Variants in GPHN observed in about 807,000 individuals in gnomAD.
The protein encoded by GPHN is gephyrin.
In GPHN, 17 loss-of-function variants were observed where a neutral mutation model predicts 95.5. The ratio of observed to expected loss-of-function variants is 0.18; its 90% CI spans 0.12 to 0.27. The LOEUF (loss-of-function observed/expected upper bound fraction) is 0.27, where lower values mean the gene tolerates loss of function less well. GPHN is among the 10% of genes least tolerant of loss of function. The pLI, the probability that GPHN is intolerant of heterozygous loss-of-function variation, is 1.00. For synonymous variants in GPHN, 320 were observed against 322.5 expected, an observed-to-expected ratio of 0.99 and a Z score of 0.08; for missense variants, 660 against 978.1, an observed-to-expected ratio of 0.67 and a Z score of 4.34.
At chr14:67,284,429 TAAAAA>T in the GPHN span, among the ~76,000 whole-genome samples, 2 of 92,678 alleles carry the variant, frequency 2.2e-5, no homozygotes, top group African/African-American at 6.3e-5. Context: ...CCCTATCTCT[TAAAAA>T]AAAAAAAAAA....
At chr14:67,577,910 G>A in the GPHN span, 1 of 888,514 alleles carries the variant, frequency 1.1e-6, no homozygotes, top group South Asian at 1.7e-5. Flanking sequence ...CTCTTAGAAA[G>A]GGCTGTCAGT....
intron 4 of GPHN, among the ~76,000 whole-genome samples, chr14:66,828,968 T>G (rs1246848488): frequency 6.6e-6 from 1 of 151,996 alleles, no homozygotes; most frequent in Non-Finnish European, 1.5e-5. Context: ...TCCCTGCCTC[T>G]AAATATGAGA....
the GPHN span, chr14:67,574,189 G>C: frequency 6.7e-7 from 1 of 1,498,140 alleles, no homozygotes; most frequent in East Asian, 2.4e-5. This position sits in a 1 kb window ranked among gnomAD's most constrained non-coding sequence, Gnocchi z 4.2. Flanking sequence ...CCAGGTCCTG[G>C]TTACTCCATT....
the GPHN span, among the ~76,000 whole-genome samples, chr14:67,654,521 G>C: frequency 2.0e-5 from 3 of 152,104 alleles, no homozygotes; most frequent in African/African-American, 4.8e-5. Context: ...ATTCTCCATA[G>C]CTTGCCTTGA....
intron 3 of GPHN, among the ~76,000 whole-genome samples, chr14:66,806,319 T>C (rs1466348896): frequency 2.0e-5 from 3 of 152,158 alleles, no homozygotes; most frequent in Non-Finnish European, 4.4e-5. Context: ...AGACCTGTGA[T>C]GGGAGGGGCT....
the GPHN span, among the ~76,000 whole-genome samples, chr14:67,448,528 G>A: frequency 6.6e-6 from 1 of 152,080 alleles, no homozygotes; most frequent in Non-Finnish European, 1.5e-5. Flanking sequence ...CTGGCCTTGG[G>A]AACAGAATCA....
At chr14:66,778,432 A>T (rs926079346) in intron 3 of GPHN, among the ~76,000 whole-genome samples, 5 of 152,198 alleles carry the variant, frequency 3.3e-5, no homozygotes, top group Admixed American at 3.3e-4. Context: ...TTTAAAAATT[A>T]GAGCATTATG....
chr14:66,688,186 T>A (rs1451326906), intron 2 of GPHN, among the ~76,000 whole-genome samples: 1 of 152,210 alleles, frequency 6.6e-6, no homozygotes, highest in Non-Finnish European at 1.5e-5. Flanking sequence ...TATTTACTAT[T>A]CACTAAGTCA....
chr14:66,607,454 TTTC>T (rs1029883210), intron 1 of GPHN, among the ~76,000 whole-genome samples: 2 of 151,976 alleles, frequency 1.3e-5, no homozygotes, highest in Admixed American at 1.3e-4. Flanking sequence ...GGCCTGAAGT[TTTC>T]TTTTTTGTTG....
chr14:66,539,318 T>C (rs920700722), intron 1 of GPHN, among the ~76,000 whole-genome samples: 1 of 152,050 alleles, frequency 6.6e-6, no homozygotes, highest in African/African-American at 2.4e-5. Flanking sequence ...CTTCATTACT[T>C]AGAATTCAGC....
chr14:66,782,546 G>A lies in GPHN; in HGVS notation c.201+6025G>A, dbSNP rs143857900. 9.2e-5 allele frequency among the ~76,000 whole-genome samples: 14 copies of A among 152,276 alleles called. No homozygotes were observed. In the East Asian group the frequency reaches 2.7e-3, roughly 29 times the overall value. Reference sequence around the variant, plus strand: ...AACATAGAAAGATTCTGGGCCAGGTGCGGTGGCTCATGCTTGTAATCCCAG... The same window carrying A: ...AACATAGAAAGATTCTGGGCCAGGTACGGTGGCTCATGCTTGTAATCCCAG... On this transcript the variant is annotated intron_variant, in intron 3 of 22. Transcript: ENST00000478722.
At chr14:67,177,732 T>C (rs937064916) in intron 21 of GPHN, among the ~76,000 whole-genome samples, 29 of 152,194 alleles carry the variant, frequency 1.9e-4, no homozygotes, top group African/African-American at 6.8e-4. Flanking sequence ...TGTAGGTCTC[T>C]AAGAGCTTGC....
the GPHN span, among the ~76,000 whole-genome samples, chr14:67,304,539 A>G: frequency 9.3e-4 from 142 of 152,376 alleles, 1 homozygote; most frequent in Admixed American, 9.3e-3. Context: ...GAAGCCAGTC[A>G]CAAAAGGCCA....
chr14:67,721,319 A>T, the GPHN span, among the ~76,000 whole-genome samples: 3 of 152,082 alleles, frequency 2.0e-5, no homozygotes, highest in Non-Finnish European at 4.4e-5. Flanking sequence ...CAGAGGCACG[A>T]TCCTAGCTCA....
chr14:66,534,213 C>A (rs560612682), intron 1 of GPHN, among the ~76,000 whole-genome samples: 1 of 152,090 alleles, frequency 6.6e-6, no homozygotes, highest in Non-Finnish European at 1.5e-5. Flanking sequence ...CAAACTCTTA[C>A]AATTAACACT....
chr14:66,522,168 T>A (rs2058509721), intron 1 of GPHN, among the ~76,000 whole-genome samples: 1 of 152,174 alleles, frequency 6.6e-6, no homozygotes, highest in Non-Finnish European at 1.5e-5. Flanking sequence ...CACTTTTTCA[T>A]ACTCTATATA....
intron 1 of GPHN, among the ~76,000 whole-genome samples, chr14:66,539,904 G>A (rs1266620979): frequency 1.3e-5 from 2 of 152,160 alleles, no homozygotes; most frequent in East Asian, 1.9e-4. Flanking sequence ...AAGCACTCTG[G>A]TGTCTTAAAA....
At chr14:67,103,393 T>C (rs2077836596) in intron 13 of GPHN, among the ~76,000 whole-genome samples, 1 of 152,146 alleles carries the variant, frequency 6.6e-6, no homozygotes, top group Non-Finnish European at 1.5e-5. Context: ...TCTGTGAAGA[T>C]TGTCATTGGT....
the GPHN span, among the ~76,000 whole-genome samples, chr14:67,535,030 A>G: frequency 6.6e-6 from 1 of 152,256 alleles, no homozygotes; most frequent in South Asian, 2.1e-4. Context: ...TAAAGCTGTT[A>G]TAAAGCGTGC....
Sources: allele counts gnomAD v4.1 joint callset (sites outside exome capture counted in the v4.1 genomes callset), GRCh38; gene constraint gnomAD v4.1.1; non-coding constraint Gnocchi (gnomAD v3.1); transcripts MANE v1.5; gene names NCBI Gene and HGNC (gene_info 2026-07-23, HGNC 2026-07-21).